SFXN4: variants seen among roughly 807,000 people sequenced by gnomAD.
SFXN4 encodes sideroflexin 4.
A neutral mutation model predicts 54.6 loss-of-function variants in SFXN4; 48 were observed. The ratio of observed to expected loss-of-function variants is 0.88; its 90% confidence interval spans 0.70 to 1.12. The LOEUF (loss-of-function observed/expected upper bound fraction) is 1.12, where lower values mean the gene tolerates loss of function less well. SFXN4 is among the 50% of genes most tolerant of loss of function. The pLI is 0.00. For missense variants in SFXN4, 383 were observed against 409.2 expected (o/e 0.94, Z 0.55); for synonymous variants, 130 against 145.5 (o/e 0.89, Z 0.77).
intron 9 of SFXN4, among the ~76,000 whole-genome samples, 169 bp downstream of exon 9, chr10:119,157,499 T>C (rs192605322): frequency 2.0e-5 from 3 of 152,014 alleles, no homozygotes; most frequent in East Asian, 3.9e-4. Context: ...CTTAGAAACT[T>C]AAACTATTAA....
At chr10:119,161,340 C>T (rs954150059) in intron 3 of SFXN4, among the ~76,000 whole-genome samples, 11 of 150,292 alleles carry the variant, frequency 7.3e-5, no homozygotes, top group Middle Eastern at 3.4e-3. Context: ...GCTGGTCTTG[C>T]AGTCTTGGCA....
At chr10:119,143,337 G>A (rs1846636656) in intron 13 of SFXN4, among the ~76,000 whole-genome samples, 1 of 151,726 alleles carries the variant, frequency 6.6e-6, no homozygotes, top group Non-Finnish European at 1.5e-5. Context: ...CTGAGTAGCT[G>A]GGACTGCAGG....
intron 6 of SFXN4, 78 bp from the exon 7 acceptor site, chr10:119,158,140 G>C: frequency 5.1e-6 from 7 of 1,369,068 alleles, no homozygotes; most frequent in Non-Finnish European, 7.3e-6. Context: ...ACTTTCCAGG[G>C]GAGAGGGAGA....
Position 119,165,698 on chromosome 10 carries a change from G to C in SFXN4, c.-51C>G. On this transcript the variant is annotated 5_prime_UTR_variant, in exon 1 of 14. Transcript: ENST00000355697. ...CCGCCAGGCCGCGCGTGGAGGAGGA[G>C]CCGGGCGGCGAGCCCCGCCCCGGGC... 7.2e-7 allele frequency: 1 copy of C among 1,393,580 alleles called. No homozygotes were observed. The highest frequency in any genetic ancestry group is 9.4e-7 in the Non-Finnish European group (1 of 1,062,106). 86.3% of individuals were successfully genotyped at this position (1,393,580 alleles called of 1,614,324 possible).
intron 13 of SFXN4, among the ~76,000 whole-genome samples, chr10:119,145,501 G>A (rs1846751328): frequency 6.6e-6 from 1 of 151,758 alleles, no homozygotes; most frequent in Non-Finnish European, 1.5e-5. Flanking sequence ...CTGGAGTTTT[G>A]CCACGTTGGC....
chr10:119,148,575 T>C (rs1399327081), intron 11 of SFXN4, among the ~76,000 whole-genome samples: 5 of 152,154 alleles, frequency 3.3e-5, no homozygotes, highest in South Asian at 2.1e-4. Context: ...ATACCTGCCA[T>C]TGGGGAAGCC....
chr10:119,142,876 C>A (rs958340438), intron 13 of SFXN4, among the ~76,000 whole-genome samples: 1 of 151,924 alleles, frequency 6.6e-6, no homozygotes, highest in African/African-American at 2.4e-5. Flanking sequence ...GGATTACAGG[C>A]GCCTGCCACC....
chr10:119,157,678 G>C lies in SFXN4; in HGVS notation c.527C>G (p.Thr176Ser), dbSNP rs1397607742. 6.2e-7 allele frequency: 1 copy of C among 1,603,556 alleles called. No individual in the cohort carries two copies. Among genetic ancestry groups the C allele is most frequent in the East Asian group, 2.2e-5 (1 of 44,764 alleles). The change falls in exon 9 of 14, where the codon ACT (threonine) becomes AGT (serine). Residue 176 changes from threonine (T) to serine (S), a missense_variant. Transcript: ENST00000355697. ...TCTAAAAATACCTACTCCTAAGAAA[G>C]TTGAAGAAGCAACGGCTCCCGCCAT... ...LLMAGAVASS[T>S]FLGVIPQFVQ...
At chr10:119,162,446 ATCTCAAC>A in intron 2 of SFXN4, 32 bp from the exon 3 acceptor site, 1 of 1,559,742 alleles carries the variant, frequency 6.4e-7, no homozygotes, top group African/African-American at 1.4e-5. Flanking sequence ...TCAAGTAATG[ATCTCAAC>A]ATTGTTCAGG....
chr10:119,151,170 C>T (rs1269285290), intron 11 of SFXN4, among the ~76,000 whole-genome samples: 1 of 152,128 alleles, frequency 6.6e-6, no homozygotes, highest in Non-Finnish European at 1.5e-5. Context: ...GAGATCGAGA[C>T]CATCCTGGCT....
In SFXN4 at chr10:119,160,887, C is replaced by T. The variant is rs369885490; in HGVS notation, c.334+28G>A. ...GTGTTAGAAACTACATCTTCCCAAC[C>T]CACTTCTGAAAATTAGAACCAACTC... On this transcript the variant is annotated intron_variant, in intron 5 of 13. Coordinates refer to ENST00000355697, the MANE Select transcript of SFXN4 (RefSeq NM_213649.2). 3 of 1,612,434 alleles carry T rather than the reference C, an allele frequency of 1.9e-6. No homozygotes were observed. The Admixed American group carries it at 5.0e-5, about 27-fold the overall frequency.
intron 3 of SFXN4, 91 bp downstream of exon 3, chr10:119,162,249 A>C: frequency 4.2e-5 from 40 of 951,740 alleles, no homozygotes; most frequent in Non-Finnish European, 5.8e-5. Flanking sequence ...AGACGGAGAC[A>C]GAGATTAATG....
At chr10:119,147,633 C>A in intron 12 of SFXN4, 142 bp downstream of exon 12, 2 of 654,274 alleles carry the variant, frequency 3.1e-6, no homozygotes, top group Non-Finnish European at 2.7e-6. Flanking sequence ...ACAATCAATC[C>A]GCCTGTCTTA....
chr10:119,156,325 G>A (rs1847278039), intron 10 of SFXN4, among the ~76,000 whole-genome samples: 1 of 152,204 alleles, frequency 6.6e-6, no homozygotes, highest in East Asian at 1.9e-4. Flanking sequence ...CTACTTGGGA[G>A]ACTGAGGCAG....
At position 119,143,816 on chromosome 10, in the gene SFXN4, A is replaced by G. The variant is rs563560136; in HGVS notation, c.936+2420T>C. ...TTTTATGTAGAGACGAGGTCTCACT[A>G]CATTCCCCAGGCTGGTCTGGAACTC... On this transcript the variant is annotated intron_variant, in intron 13 of 13. Coordinates refer to ENST00000355697, the MANE Select transcript of SFXN4 (RefSeq NM_213649.2). Among the ~76,000 whole-genome samples, 9 of 152,182 alleles carry G rather than the reference A, an allele frequency of 5.9e-5. No homozygotes were observed. In the South Asian group the frequency reaches 1.9e-3, roughly 32 times the overall value.
At chr10:119,155,929 A>G (rs896550971) in intron 10 of SFXN4, among the ~76,000 whole-genome samples, 3 of 152,126 alleles carry the variant, frequency 2.0e-5, no homozygotes, top group Non-Finnish European at 4.4e-5. Context: ...CAGAGTCAAA[A>G]TATTCAGCTA....
chr10:119,160,866 T>C (rs1589647673), intron 5 of SFXN4, 49 bp downstream of exon 5: 1 of 1,594,128 alleles, frequency 6.3e-7, no homozygotes, highest in East Asian at 2.2e-5. Context: ...TTCTAAGTGT[T>C]AGAAACTACA....
intron 13 of SFXN4, among the ~76,000 whole-genome samples, chr10:119,144,252 C>A (rs1010655297): frequency 6.6e-6 from 1 of 152,032 alleles, no homozygotes; most frequent in South Asian, 2.1e-4. Context: ...GTCAGGAGAT[C>A]GAGACCATCC....
rs750794869 is a variant in SFXN4, at chr10:119,165,675, G to A, written c.-28C>T. 6.6e-6 allele frequency: 10 copies of A among 1,509,310 alleles called. No homozygotes were observed. The highest frequency in any genetic ancestry group is 4.3e-5 in the African/African-American group (3 of 69,158). The allele number at this position is 1,509,310 out of a possible 1,614,324, so 93.5% of individuals were successfully genotyped here. ...TGCGCTGGTTAGAGTGGCCGCCGCC[G>A]CCAGGCCGCGCGTGGAGGAGGAGCC... On this transcript the variant is annotated 5_prime_UTR_variant, in exon 1 of 14. Coordinates refer to ENST00000355697, the MANE Select transcript of SFXN4 (RefSeq NM_213649.2).
Sources: allele counts gnomAD v4.1 joint callset (sites outside exome capture counted in the v4.1 genomes callset), GRCh38; gene constraint gnomAD v4.1.1; transcripts MANE v1.5; gene names NCBI Gene and HGNC (gene_info 2026-07-23, HGNC 2026-07-21).